Variants in DOCK4 observed in about 807,000 individuals in gnomAD.
The protein encoded by DOCK4 is dedicator of cytokinesis 4.
Under a neutral mutation model 268.1 loss-of-function variants are expected in DOCK4, and 97 were observed. That is an observed-to-expected ratio of 0.36 (90% CI 0.31 to 0.43). DOCK4 has a LOEUF of 0.43. Among genes scored for constraint, DOCK4 ranks in the 20% least tolerant of loss-of-function variants. The probability of loss-of-function intolerance (pLI) is 1.00; values close to 1 mark genes in which losing one functional copy is unlikely to be tolerated. For synonymous variants in DOCK4, 954 were observed against 887.2 expected (o/e 1.08, Z -1.34); for missense variants, 2,145 against 2,455.7 (o/e 0.87, Z 2.67).
chr7:112,001,035 T>G (rs939551128), intron 2 of DOCK4, among the ~76,000 whole-genome samples: 1 of 152,188 alleles, frequency 6.6e-6, no homozygotes, highest in Non-Finnish European at 1.5e-5. Context: ...ATGACGTGAA[T>G]TGCACATCCT....
chr7:111,963,288 T>C (rs1242351459), intron 8 of DOCK4, among the ~76,000 whole-genome samples: 2 of 147,640 alleles, frequency 1.4e-5, no homozygotes, highest in Non-Finnish European at 3.0e-5. Context: ...CATTTCCATC[T>C]GAGGTACCGG....
chr7:112,172,997 T>A (rs1023013533), intron 1 of DOCK4, among the ~76,000 whole-genome samples: 36 of 152,322 alleles, frequency 2.4e-4, no homozygotes, highest in African/African-American at 7.7e-4. Flanking sequence ...ATAAGCTTAA[T>A]CACGTCGTGT....
At chr7:111,972,590 C>T (rs1413310066) in intron 8 of DOCK4, among the ~76,000 whole-genome samples, 1 of 152,082 alleles carries the variant, frequency 6.6e-6, no homozygotes, top group Admixed American at 6.5e-5. Context: ...ATGTTGGTCC[C>T]TCCACCTGTA....
At chr7:112,152,007 C>A (rs2116402994) in intron 1 of DOCK4, among the ~76,000 whole-genome samples, 1 of 148,006 alleles carries the variant, frequency 6.8e-6, no homozygotes, top group South Asian at 2.1e-4. Context: ...AGCTAATATG[C>A]AATAACTTGA....
chr7:111,805,045 G>C (rs755239019), intron 30 of DOCK4, among the ~76,000 whole-genome samples: 6 of 152,202 alleles, frequency 3.9e-5, no homozygotes, highest in Non-Finnish European at 8.8e-5. Flanking sequence ...AGAGCTCAAA[G>C]CCTTTCTGTC....
At chr7:111,815,663 T>C (rs57730758) in intron 27 of DOCK4, among the ~76,000 whole-genome samples, 8,163 of 136,856 alleles carry the variant, frequency 0.06, 950 homozygotes, top group African/African-American at 0.22. Flanking sequence ...CCCCTCCTTT[T>C]TCTCTCTCTC....
At chr7:111,935,265 A>T (rs1313372732) in intron 12 of DOCK4, 2 of 423,780 alleles carry the variant, frequency 4.7e-6, no homozygotes, top group African/African-American at 4.1e-5. Context: ...AGTTTTCAAT[A>T]ACAACTTAGG....
intron 1 of DOCK4, among the ~76,000 whole-genome samples, chr7:112,017,591 C>A (rs1312072942): frequency 6.6e-6 from 1 of 152,146 alleles, no homozygotes; most frequent in Admixed American, 6.5e-5. Flanking sequence ...AAAAGCCTCA[C>A]CCTAACTTTG....
rs578124892 is a variant in DOCK4 at position 111,773,853 on chromosome 7, C to A, written c.3680-4176G>T. Among the ~76,000 whole-genome samples, 42 of 150,750 alleles carry A rather than the reference C, an allele frequency of 2.8e-4. 1 individual carries two copies. The highest frequency in any genetic ancestry group is 1.0e-3 in the African/African-American group (41 of 41,100). ...GCAATATGGCAAAACCCTGTCCCTACCAAAAAAAAAAAAATTAGCTGGCTG... is the reference window on the plus strand; with the variant it reads ...GCAATATGGCAAAACCCTGTCCCTAACAAAAAAAAAAAAATTAGCTGGCTG... On this transcript the variant is annotated intron_variant, in intron 36 of 52. Transcript: ENST00000428084.
At chr7:111,743,663 G>A (rs1796081752) in intron 44 of DOCK4, among the ~76,000 whole-genome samples, 1 of 152,156 alleles carries the variant, frequency 6.6e-6, no homozygotes, top group Non-Finnish European at 1.5e-5. Flanking sequence ...CTCCAGCATG[G>A]ATTTCATAAT....
intron 51 of DOCK4, among the ~76,000 whole-genome samples, chr7:111,733,030 G>T (rs1323841611): frequency 6.6e-6 from 1 of 152,218 alleles, no homozygotes; most frequent in Non-Finnish European, 1.5e-5. Context: ...GCTCTCTAAA[G>T]CATAGCCCTG....
intron 11 of DOCK4, among the ~76,000 whole-genome samples, chr7:111,936,481 T>C (rs28453055): frequency 3.1e-4 from 45 of 145,660 alleles, no homozygotes; most frequent in African/African-American, 1.2e-3. Context: ...CTGTCAGTGG[T>C]ATGAATGGAT....
At chr7:111,742,258 G>A (rs1265229286) in intron 44 of DOCK4, 126 bp from the exon 45 acceptor site, 2 of 1,004,954 alleles carry the variant, frequency 2.0e-6, no homozygotes, top group African/African-American at 3.4e-5. Context: ...CTCTGACAAG[G>A]TAGGAACAGC....
chr7:112,099,437 A>G (rs6961538), intron 1 of DOCK4, among the ~76,000 whole-genome samples: 3,829 of 152,242 alleles, frequency 0.025, 167 homozygotes, highest in African/African-American at 0.087. Context: ...AACAGAAAAA[A>G]GTTTACCGCA....
chr7:111,804,502 G>C (rs1800530146), intron 30 of DOCK4, among the ~76,000 whole-genome samples: 1 of 152,204 alleles, frequency 6.6e-6, no homozygotes, highest in Non-Finnish European at 1.5e-5. Flanking sequence ...AAGAGTTCTA[G>C]AGATGGATGG....
chr7:111,823,157 C>T (rs1586093654), intron 26 of DOCK4, among the ~76,000 whole-genome samples: 3 of 151,098 alleles, frequency 2.0e-5, no homozygotes, highest in Admixed American at 2.0e-4. Flanking sequence ...AATCGATCAC[C>T]TGAAAACACT....
At chr7:111,811,153 A>G (rs546795893) in intron 28 of DOCK4, among the ~76,000 whole-genome samples, 1 of 152,244 alleles carries the variant, frequency 6.6e-6, no homozygotes, top group Non-Finnish European at 1.5e-5. Context: ...ATAAGCTATG[A>G]CATAGACAAA....
chr7:112,107,601 CA>C (rs1343392301), intron 1 of DOCK4, among the ~76,000 whole-genome samples: 3 of 152,216 alleles, frequency 2.0e-5, no homozygotes, highest in African/African-American at 7.2e-5. Flanking sequence ...CAGACGAACA[CA>C]ACCACTCTGT....
At position 112,116,223 on chromosome 7, in the gene DOCK4, T is replaced by G. The variant is rs115197024; in HGVS notation, c.37+89879A>C. ...TAACCTGCTTTCTGTCTCTACAGAT[T>G]TACCTATTCTGGATATTTCATATAT... On this transcript the variant is annotated intron_variant, in intron 1 of 52. Coordinates refer to ENST00000428084, the MANE Select transcript of DOCK4 (RefSeq NM_001363540.2). Among the ~76,000 whole-genome samples, 238 of 152,228 alleles carry G rather than the reference T, an allele frequency of 1.6e-3. 1 individual carries two copies. Among genetic ancestry groups the G allele is most frequent in the African/African-American group, 5.3e-3 (220 of 41,546 alleles).
Sources: gnomAD v4.1 joint callset for allele counts (sites outside exome capture counted in the v4.1 genomes callset) on GRCh38, gnomAD v4.1.1 for gene constraint, MANE v1.5 for transcripts, NCBI Gene and HGNC (gene_info 2026-07-23, HGNC 2026-07-21) for gene names.